The following CCDC7 variants were observed in gnomAD, a reference collection of about 807,000 sequenced individuals.
CCDC7 encodes the protein coiled-coil domain-containing protein 7.
CCDC7 carries 183 observed loss-of-function variants against 196.9 expected under a neutral mutation model. The ratio of observed to expected loss-of-function variants is 0.93; its 90% confidence interval spans 0.82 to 1.05. The LOEUF (loss-of-function observed/expected upper bound fraction) is 1.05, where lower values mean the gene tolerates loss of function less well. Ranked by LOEUF, CCDC7 falls within the 50% of genes least tolerant of loss-of-function variation. The probability of loss-of-function intolerance (pLI) is 0.00; values close to 1 mark genes in which losing one functional copy is unlikely to be tolerated. For synonymous variants in CCDC7, 525 were observed against 484.6 expected (o/e 1.08, Z -1.10); for missense variants, 1,540 against 1,482.2 (o/e 1.04, Z -0.64).
intron 18 of CCDC7, among the ~76,000 whole-genome samples, chr10:32,585,426 G>A (rs892551586): frequency 2.0e-5 from 3 of 152,146 alleles, no homozygotes; most frequent in African/African-American, 7.2e-5. Context: ...TGCAGAACGT[G>A]CAGGTTTGTT....
intron 24 of CCDC7, among the ~76,000 whole-genome samples, chr10:32,710,875 C>CTTT (rs1565243156): frequency 6.6e-6 from 1 of 152,108 alleles, no homozygotes; most frequent in Non-Finnish European, 1.5e-5. Context: ...ACAATTAAGC[C>CTTT]TTTATTCACT....
intron 24 of CCDC7, among the ~76,000 whole-genome samples, chr10:32,701,770 A>ATCCATTTCT (rs1249765360): frequency 2.6e-5 from 4 of 152,070 alleles, no homozygotes; most frequent in Non-Finnish European, 5.9e-5. Context: ...TGAGGAATTT[A>ATCCATTTCT]TCCATTTCTT....
chr10:32,680,720 T>C (rs2075743432), intron 21 of CCDC7, among the ~76,000 whole-genome samples: 1 of 152,168 alleles, frequency 6.6e-6, no homozygotes, highest in African/African-American at 2.4e-5. Flanking sequence ...TCAAGGGTTG[T>C]CAAGATCACA....
In CCDC7 at chr10:32,726,796, A is replaced by G. The variant is rs778384413; in HGVS notation, c.2632A>G (p.Lys878Glu). The G allele has an allele frequency of 3.7e-6, 6 of 1,602,026 alleles. No homozygotes were observed. The Admixed American group carries it at 8.4e-5, about 22-fold the overall frequency. ...AGTGTCAAAACTCCAAATGCAAGAA[A>G]AGAAAAAAATAACTCCTGGAAGGGA... The change falls in exon 26 of 42, where the codon AAG becomes GAG. Residue 878 changes from lysine to glutamate, a missense_variant. By Grantham distance (56) the Lys-to-Glu change is moderately conservative. Coordinates refer to ENST00000639629, the Ensembl canonical transcript of CCDC7.
At chr10:32,715,481 A>G (rs1033633299) in intron 25 of CCDC7, among the ~76,000 whole-genome samples, 2 of 152,216 alleles carry the variant, frequency 1.3e-5, no homozygotes, top group Non-Finnish European at 2.9e-5. Context: ...CAAATGCCAG[A>G]ATGCCTCTTC....
chr10:32,636,432 T>C (rs2065654892), intron 20 of CCDC7, among the ~76,000 whole-genome samples: 2 of 152,172 alleles, frequency 1.3e-5, no homozygotes, highest in East Asian at 3.9e-4. Context: ...CCTGTGTCCA[T>C]GTGTTCTCAC....
chr10:32,701,478 C>CT (rs1029220135), intron 24 of CCDC7, among the ~76,000 whole-genome samples: 21 of 152,048 alleles, frequency 1.4e-4, no homozygotes, highest in African/African-American at 5.1e-4. Flanking sequence ...CTAAAATTCT[C>CT]TTTTTTGGTT....
At chr10:32,541,624 C>T (rs1012140702) in intron 11 of CCDC7, among the ~76,000 whole-genome samples, 2 of 152,236 alleles carry the variant, frequency 1.3e-5, no homozygotes. Flanking sequence ...ATAAATCATA[C>T]AGCTCCCAGG....
At chr10:32,578,759 G>A (rs1206944442) in intron 16 of CCDC7, among the ~76,000 whole-genome samples, 1 of 152,044 alleles carries the variant, frequency 6.6e-6, no homozygotes, top group East Asian at 1.9e-4. Context: ...CCATGGACTG[G>A]TATCAGTTTG....
intron 12 of CCDC7, 67 bp from the exon 14 acceptor site, chr10:32,544,180 T>A: frequency 2.9e-6 from 4 of 1,383,204 alleles, no homozygotes; most frequent in Non-Finnish European, 4.0e-6. Flanking sequence ...AAAGTCCTCC[T>A]CAAGAAAGCA....
intron 22 of CCDC7, among the ~76,000 whole-genome samples, chr10:32,687,040 A>G (rs79891818): frequency 0.043 from 6,484 of 152,244 alleles, 467 homozygotes; most frequent in African/African-American, 0.15. Context: ...TGCTATGTCA[A>G]TTGCTTTATA....
downstream of CCDC7, among the ~76,000 whole-genome samples, chr10:32,880,740 C>T (rs2094761844): frequency 6.6e-6 from 1 of 152,204 alleles, no homozygotes; most frequent in East Asian, 1.9e-4. Context: ...GGAAGGAGTC[C>T]AGCTTCTGCA....
chr10:32,759,276 G>A (rs1207275821), intron 28 of CCDC7, among the ~76,000 whole-genome samples: 1 of 151,962 alleles, frequency 6.6e-6, no homozygotes, highest in Non-Finnish European at 1.5e-5. Context: ...AAAAGAGCCC[G>A]CATTGCCAAG....
At chr10:32,824,705 G>A (rs117792712) in intron 32 of CCDC7, 101 bp downstream of exon 33, 13 of 649,806 alleles carry the variant, frequency 2.0e-5, no homozygotes, top group South Asian at 2.8e-5. Context: ...TAATTATCAC[G>A]TGAGAAAAAG....
chr10:32,462,180 G>T (rs1368601903), intron 3 of CCDC7, among the ~76,000 whole-genome samples: 1 of 152,074 alleles, frequency 6.6e-6, no homozygotes, highest in Non-Finnish European at 1.5e-5. Flanking sequence ...CAGTGTTTTG[G>T]GAGACTGACA....
intron 16 of CCDC7, among the ~76,000 whole-genome samples, chr10:32,579,902 C>T (rs2058582492): frequency 6.6e-6 from 1 of 151,990 alleles, no homozygotes; most frequent in Non-Finnish European, 1.5e-5. Context: ...AGCCCAAACT[C>T]TCTGTTTTTC....
chr10:32,831,012 C>T (rs114039027), intron 32 of CCDC7, among the ~76,000 whole-genome samples: 5,589 of 152,196 alleles, frequency 0.037, 113 homozygotes, highest in Non-Finnish European at 0.05. Flanking sequence ...ACAAATGCAT[C>T]GTTGGGTGAC....
intron 25 of CCDC7, among the ~76,000 whole-genome samples, chr10:32,715,156 G>T (rs2081384285): frequency 6.6e-6 from 1 of 152,142 alleles, no homozygotes; most frequent in Admixed American, 6.5e-5. Context: ...AGCTCCAGCT[G>T]GCATCTGGCC....
chr10:32,561,384 G>T (rs2055587622), intron 13 of CCDC7, among the ~76,000 whole-genome samples: 1 of 152,086 alleles, frequency 6.6e-6, no homozygotes, highest in South Asian at 2.1e-4. Context: ...TTTGAAAATT[G>T]ACCACATAGT....
Sources: allele counts gnomAD v4.1 joint callset (sites outside exome capture counted in the v4.1 genomes callset), GRCh38; gene constraint gnomAD v4.1.1; transcripts MANE v1.5; gene names NCBI Gene and HGNC (gene_info 2026-07-23, HGNC 2026-07-21).